Variants in CACNB4 observed in about 807,000 individuals in gnomAD.
CACNB4 encodes the protein calcium voltage-gated channel auxiliary subunit beta 4, also known as voltage-dependent L-type calcium channel subunit beta-4.
CACNB4 carries 32 observed loss-of-function variants against 71.2 expected under a neutral mutation model. The ratio of observed to expected loss-of-function variants is 0.45; its 90% CI spans 0.34 to 0.60. CACNB4 has a LOEUF of 0.60. Among genes scored for constraint, CACNB4 ranks in the 20% least tolerant of loss-of-function variants. CACNB4 has a pLI of 0.01. For synonymous variants in CACNB4, 231 were observed against 236.9 expected (o/e 0.97, Z 0.23); for missense variants, 464 against 647.9 (o/e 0.72, Z 3.08).
intron 2 of CACNB4, among the ~76,000 whole-genome samples, chr2:152,037,475 C>A (rs1684656841): frequency 6.6e-6 from 1 of 152,164 alleles, no homozygotes; most frequent in African/African-American, 2.4e-5. Context: ...CTACTTACAC[C>A]CTGCTTCTGC....
intron 2 of CACNB4, among the ~76,000 whole-genome samples, chr2:152,016,679 G>A (rs571744075): frequency 3.9e-5 from 6 of 152,304 alleles, no homozygotes; most frequent in South Asian, 2.1e-4. Flanking sequence ...ATCACTCACC[G>A]TTCCAGGCAT....
At chr2:152,027,628 C>T (rs1165773386) in intron 2 of CACNB4, among the ~76,000 whole-genome samples, 1 of 151,970 alleles carries the variant, frequency 6.6e-6, no homozygotes, top group South Asian at 2.1e-4. Flanking sequence ...CCGAGGCGGG[C>T]GGATCACGAG....
At chr2:151,839,636 T>C (rs2099835657) in intron 13 of CACNB4, among the ~76,000 whole-genome samples, 1 of 152,214 alleles carries the variant, frequency 6.6e-6, no homozygotes, top group Non-Finnish European at 1.5e-5. Context: ...ATTACAAATG[T>C]AGAATTGAAA....
intron 2 of CACNB4, among the ~76,000 whole-genome samples, chr2:151,990,015 C>A (rs1681616769): frequency 6.6e-6 from 1 of 152,180 alleles, no homozygotes; most frequent in East Asian, 1.9e-4. Flanking sequence ...GTGACAGCCT[C>A]CTTACCAGTC....
At chr2:151,860,877 A>G in intron 9 of CACNB4, 57 bp from the exon 10 acceptor site, 1 of 1,113,426 alleles carries the variant, frequency 9.0e-7, no homozygotes, top group East Asian at 2.4e-5. Flanking sequence ...GGGCTCTCCA[A>G]GTGATTTATA....
chr2:152,064,527 C>T (rs146389436), intron 2 of CACNB4, among the ~76,000 whole-genome samples: 2,045 of 152,092 alleles, frequency 0.013, 49 homozygotes, highest in African/African-American at 0.047. Context: ...ATTACAGGCA[C>T]GCCACACCAT....
At chr2:151,929,204 C>T (rs2099861014) in intron 2 of CACNB4, among the ~76,000 whole-genome samples, 1 of 150,876 alleles carries the variant, frequency 6.6e-6, no homozygotes, top group African/African-American at 2.4e-5. Context: ...CTCTAACTTC[C>T]AGAAGATGAG....
intron 2 of CACNB4, among the ~76,000 whole-genome samples, chr2:152,097,086 T>A (rs1312412645): frequency 6.6e-6 from 1 of 152,214 alleles, no homozygotes; most frequent in East Asian, 1.9e-4. Context: ...GAATTCGGAA[T>A]CCAAAATGCA....
chr2:151,938,780 C>G (rs1048351175), intron 2 of CACNB4, among the ~76,000 whole-genome samples: 1 of 152,128 alleles, frequency 6.6e-6, no homozygotes, highest in Admixed American at 6.5e-5. Context: ...GTTTTTGGAG[C>G]ATGGGGGGAA....
At chr2:151,840,876 A>G (rs1234601072) in intron 13 of CACNB4, among the ~76,000 whole-genome samples, 1 of 152,222 alleles carries the variant, frequency 6.6e-6, no homozygotes, top group Non-Finnish European at 1.5e-5. Flanking sequence ...GGGTTTGGCC[A>G]CATTCCAGCA....
intron 2 of CACNB4, among the ~76,000 whole-genome samples, chr2:152,096,697 C>T (rs556432593): frequency 1.1e-4 from 16 of 152,110 alleles, no homozygotes; most frequent in African/African-American, 3.9e-4. Flanking sequence ...ATTTCTTAAG[C>T]CAGCACATAG....
At chr2:151,841,019 T>C (rs1157349399) in intron 13 of CACNB4, among the ~76,000 whole-genome samples, 1 of 152,220 alleles carries the variant, frequency 6.6e-6, no homozygotes, top group Non-Finnish European at 1.5e-5. Flanking sequence ...CTTGATCCTG[T>C]GTTCGTCACC....
At chr2:152,019,260 T>C (rs1182910695) in intron 2 of CACNB4, among the ~76,000 whole-genome samples, 1 of 152,242 alleles carries the variant, frequency 6.6e-6, no homozygotes, top group Non-Finnish European at 1.5e-5. Flanking sequence ...ATAGAAGTTA[T>C]TTCAGATCAT....
In CACNB4 at chr2:152,010,583, C is replaced by A. The variant is rs975752752; in HGVS notation, c.147+87747G>T. 5.6e-4 allele frequency among the ~76,000 whole-genome samples: 86 copies of A among 152,240 alleles called. 2 individuals are homozygous for A. Among genetic ancestry groups the A allele is most frequent in the Admixed American group, 6.5e-5 (1 of 15,290 alleles). On this transcript the variant is annotated intron_variant, in intron 2 of 13. Transcript: ENST00000539935. ...TGTCATTGCCTTATTGTGTATAGCA[C>A]CCCTTAAGTGGAGGAATTATTGTTC...
rs16830678 is a variant in CACNB4, at chr2:152,086,262, C to T, written c.147+12068G>A. ...TAATAAAGTAAATGAATACGACAAT[C>T]AATACTACATGAAAAACAGAGCCTT... On this transcript the variant is annotated intron_variant, in intron 2 of 13. Transcript: ENST00000539935. Among the ~76,000 whole-genome samples the T allele has an allele frequency of 9.2e-3, 1,404 of 152,294 alleles. 27 individuals carry two copies. Among genetic ancestry groups the T allele is most frequent in the African/African-American group, 0.032 (1,339 of 41,546 alleles).
At chr2:152,011,669 G>A (rs777395680) in intron 2 of CACNB4, among the ~76,000 whole-genome samples, 11 of 152,140 alleles carry the variant, frequency 7.2e-5, no homozygotes, top group Non-Finnish European at 1.2e-4. Flanking sequence ...AATCCCAAAC[G>A]GTCCCATTTC....
chr2:151,956,696 G>A (rs974011128), intron 2 of CACNB4, among the ~76,000 whole-genome samples: 42 of 152,346 alleles, frequency 2.8e-4, no homozygotes, highest in African/African-American at 8.9e-4. Context: ...TATATGCAGT[G>A]AAGCTGTTAT....
intron 2 of CACNB4, among the ~76,000 whole-genome samples, chr2:151,953,105 C>A (rs1485102893): frequency 1.3e-5 from 2 of 152,070 alleles, no homozygotes; most frequent in Non-Finnish European, 2.9e-5. Context: ...CTGAGATGAG[C>A]GATTTTATCC....
chr2:152,000,309 C>T (rs895910741), intron 2 of CACNB4, among the ~76,000 whole-genome samples: 1 of 152,198 alleles, frequency 6.6e-6, no homozygotes, highest in Admixed American at 6.5e-5. Flanking sequence ...ACCAGACTAC[C>T]TGGGTCCCAA....
Sources: allele counts gnomAD v4.1 joint callset (sites outside exome capture counted in the v4.1 genomes callset), GRCh38; gene constraint gnomAD v4.1.1; transcripts MANE v1.5; gene names NCBI Gene and HGNC (gene_info 2026-07-23, HGNC 2026-07-21).